Variants in CSMD1 observed in about 807,000 individuals in gnomAD.
The protein encoded by CSMD1 is CUB and sushi domain-containing protein 1.
A neutral mutation model predicts 417.5 loss-of-function variants in CSMD1; 213 were observed. The observed-to-expected ratio is 0.51, with a 90% CI of 0.46 to 0.57. The LOEUF (loss-of-function observed/expected upper bound fraction) is 0.57, where lower values mean the gene tolerates loss of function less well. CSMD1 is among the 20% of genes least tolerant of loss of function. The probability of loss-of-function intolerance (pLI) is 0.00; values close to 1 mark genes in which losing one functional copy is unlikely to be tolerated. For missense variants in CSMD1, 6,923 were observed against 4,529.7 expected (o/e 1.53, Z -15.17); for synonymous variants, 2,862 against 1,736.8 (o/e 1.65, Z -16.11).
chr8:3,978,806 A>T (rs924876267), intron 5 of CSMD1, among the ~76,000 whole-genome samples: 1 of 152,040 alleles, frequency 6.6e-6, no homozygotes, highest in Non-Finnish European at 1.5e-5. Context: ...CTTTCCGGAG[A>T]CATCGGTGAT....
At chr8:3,453,042 T>C (rs945697088) in intron 12 of CSMD1, among the ~76,000 whole-genome samples, 1 of 152,234 alleles carries the variant, frequency 6.6e-6, no homozygotes, top group Non-Finnish European at 1.5e-5. Context: ...TGGTTTAGTC[T>C]TGGGAGAGTG....
intron 23 of CSMD1, among the ~76,000 whole-genome samples, chr8:3,310,708 C>T (rs1805267227): frequency 6.6e-6 from 1 of 151,480 alleles, no homozygotes; most frequent in Non-Finnish European, 1.5e-5. Flanking sequence ...GGGGTGAGGG[C>T]CGCCCATGCT....
chr8:4,025,795 G>A (rs1420831472), intron 4 of CSMD1, among the ~76,000 whole-genome samples: 2 of 152,120 alleles, frequency 1.3e-5, no homozygotes, highest in African/African-American at 2.4e-5. Flanking sequence ...TTAAGCAAAG[G>A]TGACTGGCCT....
intron 5 of CSMD1, among the ~76,000 whole-genome samples, chr8:3,856,664 C>T (rs1804335225): frequency 6.6e-6 from 1 of 152,180 alleles, no homozygotes; most frequent in African/African-American, 2.4e-5. Context: ...CCCCAGGGAA[C>T]TCCTAAGTGC....
chr8:3,494,376 GA>G (rs755714024), intron 10 of CSMD1, among the ~76,000 whole-genome samples: 3 of 152,066 alleles, frequency 2.0e-5, no homozygotes, highest in Admixed American at 1.3e-4. Flanking sequence ...TTTTTCTCCT[GA>G]AAGAAGAAAT....
chr8:3,814,199 C>A, intron 5 of CSMD1, among the ~76,000 whole-genome samples: 1 of 152,182 alleles, frequency 6.6e-6, no homozygotes, highest in East Asian at 1.9e-4. Context: ...ACACTTTCAA[C>A]ATGTTTCCCA....
chr8:3,614,576 T>G (rs1802045767), intron 8 of CSMD1, among the ~76,000 whole-genome samples: 1 of 152,218 alleles, frequency 6.6e-6, no homozygotes, highest in Non-Finnish European at 1.5e-5. Flanking sequence ...CTCTGTCATT[T>G]TTTTAAAACA....
chr8:4,091,894 C>A (rs1563112507), intron 3 of CSMD1, among the ~76,000 whole-genome samples: 1 of 152,160 alleles, frequency 6.6e-6, no homozygotes, highest in African/African-American at 2.4e-5. Flanking sequence ...AAGAACCGTA[C>A]AGAGTTTTAA....
chr8:3,701,457 A>T (rs955618093), intron 7 of CSMD1, among the ~76,000 whole-genome samples: 7 of 152,042 alleles, frequency 4.6e-5, no homozygotes, highest in South Asian at 2.1e-4. Flanking sequence ...ATGGTGCTAA[A>T]CTCAGAGGCT....
At chr8:3,727,385 C>T (rs531663140) in intron 6 of CSMD1, among the ~76,000 whole-genome samples, 38 of 152,254 alleles carry the variant, frequency 2.5e-4, no homozygotes, top group African/African-American at 7.0e-4. Flanking sequence ...GGCAGCCCCG[C>T]CCAGGTACCA....
chr8:3,604,319 A>G (rs927578585), intron 8 of CSMD1, among the ~76,000 whole-genome samples: 2 of 152,180 alleles, frequency 1.3e-5, no homozygotes, highest in Non-Finnish European at 2.9e-5. Flanking sequence ...CCAAAGGTCC[A>G]TTTCAGATTG....
chr8:3,117,341 T>G (rs919176790), intron 42 of CSMD1, among the ~76,000 whole-genome samples: 5 of 152,112 alleles, frequency 3.3e-5, no homozygotes. Context: ...AAAGTGTGTT[T>G]GTAGTTATTT....
intron 42 of CSMD1, among the ~76,000 whole-genome samples, chr8:3,112,201 G>A (rs1360544671): frequency 6.6e-6 from 1 of 152,046 alleles, no homozygotes; most frequent in African/African-American, 2.4e-5. Context: ...TGATAAATTG[G>A]TGAATTAGAG....
At chr8:3,506,843 A>G (rs976807592) in intron 10 of CSMD1, among the ~76,000 whole-genome samples, 2 of 152,234 alleles carry the variant, frequency 1.3e-5, no homozygotes, top group Admixed American at 6.5e-5. Context: ...TAAAAACACC[A>G]TAAAACTAAA....
intron 3 of CSMD1, among the ~76,000 whole-genome samples, chr8:4,136,436 G>A (rs968353024): frequency 2.6e-5 from 4 of 152,148 alleles, no homozygotes; most frequent in South Asian, 2.1e-4. Context: ...TTCTCAGCAA[G>A]CATCCCTTTT....
chr8:2,963,774 A>T (rs1184271639), intron 59 of CSMD1, among the ~76,000 whole-genome samples: 1 of 152,176 alleles, frequency 6.6e-6, no homozygotes, highest in African/African-American at 2.4e-5. Context: ...ATAGGCACAG[A>T]TGGTAAGAAT....
At chr8:3,634,554 G>C (rs998695572) in intron 7 of CSMD1, among the ~76,000 whole-genome samples, 1 of 152,054 alleles carries the variant, frequency 6.6e-6, no homozygotes. Context: ...CCTTTAAACT[G>C]TCTCTTTTCA....
rs565904447 is a variant in CSMD1, at chr8:3,722,674, G to A, written c.932-14183C>T. Reference sequence around the variant, plus strand: ...AATGTGTATATTCCGCACAGAGTTCGGTAAATTGCCCTAGGATCAATTTTT... The same window carrying A: ...AATGTGTATATTCCGCACAGAGTTCAGTAAATTGCCCTAGGATCAATTTTT... On this transcript the variant is annotated intron_variant, in intron 6 of 69. Coordinates refer to ENST00000635120, the MANE Select transcript of CSMD1 (RefSeq NM_033225.6). Among the ~76,000 whole-genome samples the A allele has an allele frequency of 2.2e-3, 336 of 152,248 alleles. 2 individuals are homozygous for A. Among genetic ancestry groups the A allele is most frequent in the Non-Finnish European group, 2.3e-3 (159 of 68,020 alleles).
At chr8:4,436,842 G>C (rs1220519872) in intron 2 of CSMD1, among the ~76,000 whole-genome samples, 1 of 152,116 alleles carries the variant, frequency 6.6e-6, no homozygotes, top group African/African-American at 2.4e-5. Flanking sequence ...GTGCAAATGA[G>C]TGAATCTCAT....
Sources: allele counts gnomAD v4.1 joint callset (sites outside exome capture counted in the v4.1 genomes callset), GRCh38; gene constraint gnomAD v4.1.1; transcripts MANE v1.5; gene names NCBI Gene and HGNC (gene_info 2026-07-23, HGNC 2026-07-21).